The following ARL15 variants were observed in gnomAD, a reference collection of about 807,000 sequenced individuals.
ARL15 encodes ARF like GTPase 15, also known as ADP-ribosylation factor-like protein 15.
In ARL15, 19 loss-of-function variants were observed where a neutral mutation model predicts 25.2. That is an observed-to-expected ratio of 0.75 (90% CI 0.53 to 1.10). ARL15 has a LOEUF of 1.10. Ranked by LOEUF, ARL15 falls within the 50% of genes least tolerant of loss-of-function variation. ARL15 has a pLI of 0.00. For synonymous variants in ARL15, 94 were observed against 86.8 expected (o/e 1.08, Z -0.46); for missense variants, 220 against 246.0 (o/e 0.89, Z 0.71).
chr5:54,086,156 C>T (rs1412233288), intron 4 of ARL15, among the ~76,000 whole-genome samples: 1 of 152,084 alleles, frequency 6.6e-6, no homozygotes, highest in Non-Finnish European at 1.5e-5. Flanking sequence ...TCAGGTGATC[C>T]GCCCGCCTCG....
chr5:54,071,466 G>GT (rs1751414527), intron 4 of ARL15, among the ~76,000 whole-genome samples: 1 of 123,510 alleles, frequency 8.1e-6, no homozygotes, highest in Non-Finnish European at 1.6e-5. Flanking sequence ...GTCTAAATCA[G>GT]ATTTTTTTTT....
intron 4 of ARL15, among the ~76,000 whole-genome samples, chr5:53,945,299 C>T (rs1319881198): frequency 2.0e-5 from 3 of 152,156 alleles, no homozygotes; most frequent in East Asian, 1.9e-4. Flanking sequence ...ACATGTTTGT[C>T]GTTTACTGGG....
intron 1 of ARL15, among the ~76,000 whole-genome samples, chr5:54,228,446 G>A (rs1756581827): frequency 6.6e-6 from 1 of 152,080 alleles, no homozygotes; most frequent in South Asian, 2.1e-4. Flanking sequence ...GATAACTGAT[G>A]AAATCTCATC....
chr5:54,129,140 A>G (rs963742696), intron 3 of ARL15, among the ~76,000 whole-genome samples: 1 of 152,238 alleles, frequency 6.6e-6, no homozygotes, highest in African/African-American at 2.4e-5. Flanking sequence ...CTTTCAACAT[A>G]TATGACTGTT....
chr5:53,954,760 T>C (rs1033847159), intron 4 of ARL15, among the ~76,000 whole-genome samples: 3 of 152,184 alleles, frequency 2.0e-5, no homozygotes, highest in African/African-American at 7.2e-5. Context: ...TCCAACATAC[T>C]GCTAACTAGG....
intron 3 of ARL15, among the ~76,000 whole-genome samples, chr5:54,147,694 A>G (rs1753951155): frequency 6.6e-6 from 1 of 152,128 alleles, no homozygotes; most frequent in South Asian, 2.1e-4. Context: ...ATGGACACCT[A>G]TGTCTGGAAA....
intron 4 of ARL15, among the ~76,000 whole-genome samples, chr5:54,029,631 G>T (rs1252719169): frequency 1.3e-5 from 2 of 152,244 alleles, no homozygotes; most frequent in Admixed American, 6.5e-5. Context: ...GGCCAAGGTT[G>T]CAGGATCTCT....
At chr5:54,055,256 T>G (rs958706082) in intron 4 of ARL15, among the ~76,000 whole-genome samples, 10 of 152,090 alleles carry the variant, frequency 6.6e-5, no homozygotes, top group African/African-American at 2.4e-4. Flanking sequence ...AACGGCATAG[T>G]ATGACATGTG....
chr5:53,892,637 C>G (rs1162846658), intron 4 of ARL15, among the ~76,000 whole-genome samples: 12 of 149,334 alleles, frequency 8.0e-5, no homozygotes, highest in Admixed American at 7.4e-4. Flanking sequence ...GGCCCTAGCT[C>G]TGTCACCCAG....
chr5:53,922,472 T>C (rs1745886498), intron 4 of ARL15, among the ~76,000 whole-genome samples: 1 of 152,228 alleles, frequency 6.6e-6, no homozygotes, highest in Admixed American at 6.5e-5. Flanking sequence ...TCTGTGTAGA[T>C]AATGTTTAGT....
At chr5:54,138,873 C>T (rs757169783) in intron 3 of ARL15, among the ~76,000 whole-genome samples, 2 of 151,976 alleles carry the variant, frequency 1.3e-5, no homozygotes, top group Non-Finnish European at 2.9e-5. Flanking sequence ...AATAGATATT[C>T]CTCAAAAGAA....
chr5:53,938,760 C>G (rs1168841444), intron 4 of ARL15, among the ~76,000 whole-genome samples: 3 of 152,188 alleles, frequency 2.0e-5, no homozygotes, highest in Non-Finnish European at 4.4e-5. Context: ...AGGAGAATCG[C>G]TTGAACCTGG....
intron 4 of ARL15, among the ~76,000 whole-genome samples, chr5:54,042,158 A>G (rs180752667): frequency 6.6e-6 from 1 of 152,154 alleles, no homozygotes; most frequent in African/African-American, 2.4e-5. Flanking sequence ...TTTAGCAGAG[A>G]TGGAGTTTCG....
At chr5:54,133,741 G>A (rs933299051) in intron 3 of ARL15, among the ~76,000 whole-genome samples, 1 of 152,148 alleles carries the variant, frequency 6.6e-6, no homozygotes, top group Non-Finnish European at 1.5e-5. Context: ...ACCCTAGACT[G>A]TAGAAAGGAT....
intron 1 of ARL15, among the ~76,000 whole-genome samples, chr5:54,291,184 A>G (rs1758309387): frequency 6.6e-6 from 1 of 152,228 alleles, no homozygotes; most frequent in South Asian, 2.1e-4. Flanking sequence ...CTGGGTTTGA[A>G]CCATTCAATA....
chr5:53,915,812 T>C (rs1745625954), intron 4 of ARL15, among the ~76,000 whole-genome samples: 1 of 152,240 alleles, frequency 6.6e-6, no homozygotes, highest in African/African-American at 2.4e-5. Context: ...TTAAATATCA[T>C]TGCAGCAAGT....
At chr5:54,114,588 A>G (rs766959768) in intron 3 of ARL15, among the ~76,000 whole-genome samples, 3 of 152,074 alleles carry the variant, frequency 2.0e-5, no homozygotes, top group Non-Finnish European at 2.9e-5. Context: ...TACAAATTTG[A>G]GACTAGAACA....
chr5:54,060,391 T>C (rs1164729930), intron 4 of ARL15, among the ~76,000 whole-genome samples: 1 of 152,176 alleles, frequency 6.6e-6, no homozygotes, highest in African/African-American at 2.4e-5. Flanking sequence ...GCCCAGATCC[T>C]GCCACTGCGC....
intron 4 of ARL15, among the ~76,000 whole-genome samples, chr5:54,083,969 G>A (rs1751879500): frequency 1.3e-5 from 2 of 152,164 alleles, no homozygotes; most frequent in Admixed American, 1.3e-4. Flanking sequence ...ATGACTGAAT[G>A]ATCTATATGG....
Sources: allele counts gnomAD v4.1 joint callset (sites outside exome capture counted in the v4.1 genomes callset), GRCh38; gene constraint gnomAD v4.1.1; transcripts MANE v1.5; gene names NCBI Gene and HGNC (gene_info 2026-07-23, HGNC 2026-07-21).